Variants in CTNNA2 observed in about 807,000 individuals in gnomAD.
CTNNA2 encodes catenin alpha 2.
In CTNNA2, 42 loss-of-function variants were observed where a neutral mutation model predicts 101.0. The ratio of observed to expected loss-of-function variants is 0.42; its 90% CI spans 0.32 to 0.54. The LOEUF (loss-of-function observed/expected upper bound fraction) is 0.54, where lower values mean the gene tolerates loss of function less well. Ranked by LOEUF, CTNNA2 falls within the 20% of genes least tolerant of loss-of-function variation. The pLI is 0.14. For synonymous variants in CTNNA2, 450 were observed against 456.4 expected (o/e 0.99, Z 0.18); for missense variants, 871 against 1,223.1 (o/e 0.71, Z 4.29).
At chr2:79,379,715 G>T (rs1042910798) in intron 4 of CTNNA2, among the ~76,000 whole-genome samples, 8 of 152,152 alleles carry the variant, frequency 5.3e-5, no homozygotes, top group Middle Eastern at 3.4e-3. Context: ...AATCCTAAAA[G>T]TCCTAAAGCT....
chr2:79,733,893 T>A (rs1454314433), intron 2 of CTNNA2, among the ~76,000 whole-genome samples: 1 of 152,092 alleles, frequency 6.6e-6, no homozygotes, highest in Admixed American at 6.6e-5. Context: ...AGATGATGAA[T>A]GTTGGGATAA....
chr2:80,137,685 T>C (rs1483936856), intron 7 of CTNNA2, among the ~76,000 whole-genome samples: 2 of 151,564 alleles, frequency 1.3e-5, no homozygotes, highest in African/African-American at 2.4e-5. Flanking sequence ...CGTAGGACCA[T>C]GCACATAGGA....
intron 7 of CTNNA2, among the ~76,000 whole-genome samples, chr2:80,245,088 CT>C (rs1671221812): frequency 6.6e-6 from 1 of 152,206 alleles, no homozygotes; most frequent in African/African-American, 2.4e-5. Context: ...TCGAGTTCCC[CT>C]TTTTGAATTC....
At chr2:80,581,679 T>C (rs1460460329) in intron 13 of CTNNA2, 27 bp from the exon 14 acceptor site, 2 of 1,394,580 alleles carry the variant, frequency 1.4e-6, no homozygotes, top group Non-Finnish European at 2.0e-6. Flanking sequence ...AATTTAAGTA[T>C]GCTGACTTAT....
chr2:79,921,326 A>T lies in CTNNA2; in HGVS notation c.1056+11529A>T, dbSNP rs1368824634. On this transcript the variant is annotated intron_variant, in intron 7 of 18. Coordinates refer to ENST00000402739, the MANE Select transcript of CTNNA2 (RefSeq NM_001282597.3). Reference sequence around the variant, plus strand: ...TTTCTTTTTGTGAGTGGGGATAAATAACTTTGTAAGAAATCATCAAGTGAA... The same window carrying T: ...TTTCTTTTTGTGAGTGGGGATAAATTACTTTGTAAGAAATCATCAAGTGAA... Among the ~76,000 whole-genome samples the T allele has an allele frequency of 6.0e-5, 9 of 149,002 alleles. No individual in the cohort carries two copies. The Admixed American group carries it at 6.1e-4, about 10-fold the overall frequency.
chr2:80,055,552 C>G (rs150784282), intron 7 of CTNNA2, among the ~76,000 whole-genome samples: 12 of 152,158 alleles, frequency 7.9e-5, no homozygotes, highest in African/African-American at 2.9e-4. Flanking sequence ...AAAAATTGAG[C>G]ACTTTCATAT....
chr2:80,432,183 C>T (rs939478031), intron 9 of CTNNA2, among the ~76,000 whole-genome samples: 1 of 152,012 alleles, frequency 6.6e-6, no homozygotes, highest in Non-Finnish European at 1.5e-5. Context: ...CATCGTTTTG[C>T]TTATTAGCAC....
chr2:79,473,005 C>G (rs1671015575), intron 4 of CTNNA2, among the ~76,000 whole-genome samples: 2 of 152,156 alleles, frequency 1.3e-5, no homozygotes, highest in Admixed American at 1.3e-4. Flanking sequence ...ATTGCCTTTC[C>G]TCTAGCTTCC....
At chr2:80,522,626 G>C (rs1689665808) in intron 9 of CTNNA2, among the ~76,000 whole-genome samples, 1 of 152,040 alleles carries the variant, frequency 6.6e-6, no homozygotes, top group South Asian at 2.1e-4. Context: ...CTGGTGGGAG[G>C]TGATTGGATC....
At chr2:80,589,894 G>A (rs962525997) in intron 15 of CTNNA2, among the ~76,000 whole-genome samples, 2 of 149,558 alleles carry the variant, frequency 1.3e-5, no homozygotes, top group African/African-American at 2.5e-5. Flanking sequence ...GTGTGTGTGT[G>A]TGTGTGTGTG....
At position 79,643,927 on chromosome 2, in the gene CTNNA2, A is replaced by T. The variant is rs370811546; in HGVS notation, c.-5-7625A>T. On this transcript the variant is annotated intron_variant, in intron 1 of 18. Coordinates refer to ENST00000402739, the MANE Select transcript of CTNNA2 (RefSeq NM_001282597.3). ...TAGCAACTAGGTTAAGTTTTTCTCAATTCAAATCCCTCTGCCTTTTCCCTT... is the reference window on the plus strand; with the variant it reads ...TAGCAACTAGGTTAAGTTTTTCTCATTTCAAATCCCTCTGCCTTTTCCCTT... Among the ~76,000 whole-genome samples, 15 of 152,080 alleles carry T rather than the reference A, an allele frequency of 9.9e-5. No individual in the cohort carries two copies. In the East Asian group the frequency reaches 2.7e-3, roughly 28 times the overall value.
At chr2:79,624,335 T>A (rs74584423) in intron 1 of CTNNA2, among the ~76,000 whole-genome samples, 1 of 109,538 alleles carries the variant, frequency 9.1e-6, no homozygotes, top group Non-Finnish European at 1.7e-5. Context: ...TTCATTAGGC[T>A]TTTTTTTTTG....
chr2:79,278,371 T>G (rs1315267800), intron 2 of CTNNA2, among the ~76,000 whole-genome samples: 1 of 152,042 alleles, frequency 6.6e-6, no homozygotes, highest in Non-Finnish European at 1.5e-5. Flanking sequence ...GGTCACTATT[T>G]TAGAATTGGA....
In CTNNA2 at chr2:80,303,507, G is replaced by A. The variant is rs990679750; in HGVS notation, c.1057-89704G>A. On this transcript the variant is annotated intron_variant, in intron 7 of 18. Transcript: ENST00000402739. This position sits in a 1 kb window ranked among gnomAD's most constrained non-coding sequence, Gnocchi z 7.7. ...CGCAGTTTCTGAAAGGCGTCCCCCT[G>A]CACGGAGCAGATGTGATTGTGATCC... 1 of 1,614,124 alleles carries A rather than the reference G, an allele frequency of 6.2e-7. No individual in the cohort carries two copies. The highest frequency in any genetic ancestry group is 1.3e-5 in the African/African-American group (1 of 74,940).
intron 3 of CTNNA2, among the ~76,000 whole-genome samples, chr2:79,323,465 G>A (rs542237907): frequency 1.7e-4 from 25 of 147,964 alleles, no homozygotes; most frequent in South Asian, 4.4e-4. Context: ...AGGTAAATAA[G>A]GTGCATAGCT....
intron 7 of CTNNA2, among the ~76,000 whole-genome samples, chr2:79,963,945 C>T (rs542864231): frequency 2.0e-5 from 3 of 152,216 alleles, no homozygotes; most frequent in African/African-American, 7.2e-5. Context: ...CTATCTAATC[C>T]TTTGTTATTG....
intron 2 of CTNNA2, among the ~76,000 whole-genome samples, chr2:79,243,844 G>A (rs1268414019): frequency 2.0e-5 from 3 of 152,188 alleles, no homozygotes; most frequent in African/African-American, 7.2e-5. Flanking sequence ...AAGGAGGCAG[G>A]AGAGAACCTT....
chr2:79,354,235 G>C (rs1000926685), intron 3 of CTNNA2, among the ~76,000 whole-genome samples: 1 of 151,990 alleles, frequency 6.6e-6, no homozygotes, highest in Admixed American at 6.6e-5. Flanking sequence ...AGAAAGACTG[G>C]GAAACATTTC....
chr2:79,661,077 A>AAC (rs1682002358), intron 2 of CTNNA2, among the ~76,000 whole-genome samples: 1 of 152,116 alleles, frequency 6.6e-6, no homozygotes, highest in Non-Finnish European at 1.5e-5. Context: ...GTGTTTGGTG[A>AAC]ACACACACCA....
Sources: allele counts gnomAD v4.1 joint callset (sites outside exome capture counted in the v4.1 genomes callset), GRCh38; gene constraint gnomAD v4.1.1; non-coding constraint Gnocchi (gnomAD v3.1); transcripts MANE v1.5; gene names NCBI Gene and HGNC (gene_info 2026-07-23, HGNC 2026-07-21).